ROS1: variants seen among roughly 807,000 people sequenced by gnomAD.
ROS1 encodes ROS proto-oncogene 1, receptor tyrosine kinase, also known as proto-oncogene tyrosine-protein kinase ROS.
Under a neutral mutation model 273.5 loss-of-function variants are expected in ROS1, and 263 were observed. The ratio of observed to expected loss-of-function variants is 0.96; its 90% CI spans 0.87 to 1.06. The LOEUF is 1.06. ROS1 is among the 50% of genes least tolerant of loss of function. ROS1 has a pLI of 0.00. For synonymous variants in ROS1, 1,008 were observed against 954.1 expected, an observed-to-expected ratio of 1.06 and a Z score of -1.04; for missense variants, 2,833 against 2,751.1, an observed-to-expected ratio of 1.03 and a Z score of -0.67.
intron 8 of ROS1, 144 bp from the exon 9 acceptor site, chr6:117,396,408 C>G (rs915358882): frequency 3.1e-6 from 2 of 650,488 alleles, no homozygotes; most frequent in East Asian, 5.4e-5. Flanking sequence ...TGCTCAGCAC[C>G]GAAATGACCA....
chr6:117,293,479 A>G (rs1166879497), intron 43 of ROS1, among the ~76,000 whole-genome samples: 1 of 152,202 alleles, frequency 6.6e-6, no homozygotes, highest in African/African-American at 2.4e-5. Context: ...CAAATATATA[A>G]CCAAATTGTT....
chr6:117,287,605 A>T lies in ROS1; in HGVS notation c.*887T>A, dbSNP rs180987644. On this transcript the variant is annotated 3_prime_UTR_variant, in exon 44 of 44. Coordinates refer to ENST00000368507, the MANE Select transcript of ROS1 (RefSeq NM_001378902.1). ...ACTGTTGTAAGCCTCAAAACTACAAAATATTTTACAGTAGTGATTAAAGAC... is the reference window on the plus strand; with the variant it reads ...ACTGTTGTAAGCCTCAAAACTACAATATATTTTACAGTAGTGATTAAAGAC... 6.6e-6 allele frequency among the ~76,000 whole-genome samples: 1 copy of T among 152,288 alleles called. No individual in the cohort carries two copies. The highest frequency in any genetic ancestry group is 6.5e-5 in the Admixed American group (1 of 15,292).
intron 42 of ROS1, 63 bp from the exon 43 acceptor site, chr6:117,301,200 G>T (rs1408614042): frequency 1.5e-6 from 2 of 1,364,912 alleles, no homozygotes; most frequent in African/African-American, 1.5e-5. Flanking sequence ...GATAACCCAG[G>T]TAGGGTCATT....
intron 7 of ROS1, among the ~76,000 whole-genome samples, chr6:117,400,094 G>A (rs1773822085): frequency 6.6e-6 from 1 of 152,180 alleles, no homozygotes; most frequent in Non-Finnish European, 1.5e-5. Flanking sequence ...GCTTCCAGCA[G>A]ATGGCATACT....
chr6:117,362,901 T>C (rs1562317247), intron 21 of ROS1, 36 bp from the exon 22 acceptor site: 1 of 1,516,740 alleles, frequency 6.6e-7, no homozygotes. Flanking sequence ...CAGAAAAGAA[T>C]ATAAGAATAT....
chr6:117,417,071 G>T (rs577273695), intron 2 of ROS1, among the ~76,000 whole-genome samples: 2 of 152,040 alleles, frequency 1.3e-5, no homozygotes, highest in Non-Finnish European at 2.9e-5. Context: ...CCCTACCTCA[G>T]CTTCAAGTAA....
At chr6:117,383,104 C>A (rs545640843) in intron 17 of ROS1, among the ~76,000 whole-genome samples, 1 of 151,922 alleles carries the variant, frequency 6.6e-6, no homozygotes, top group African/African-American at 2.4e-5. Flanking sequence ...CTTACATAAT[C>A]ACTTATCACC....
At chr6:117,294,251 A>G (rs1774044352) in intron 43 of ROS1, among the ~76,000 whole-genome samples, 1 of 152,180 alleles carries the variant, frequency 6.6e-6, no homozygotes, top group African/African-American at 2.4e-5. Flanking sequence ...CTAGAACAAG[A>G]CAAGGATGGC....
intron 12 of ROS1, among the ~76,000 whole-genome samples, chr6:117,390,059 C>A (rs2128705934): frequency 6.6e-6 from 1 of 152,328 alleles, no homozygotes; most frequent in East Asian, 1.9e-4. Flanking sequence ...TTCAGCCTCA[C>A]TTGTAATGCT....
chr6:117,403,177 G>C lies in ROS1; in HGVS notation c.566C>G (p.Ser189Cys). The stretch of plus-strand genomic sequence containing the variant: ...AGTCCTGTAACTGGGACTTGGAGGG[G>C]AGTAGAGCTGCAGCTGCGCTGTGAA... ...WIFTAQLQLY[S>C]PPSPSYRTHP... The change falls in exon 7 of 44, where the codon TCC becomes TGC. Residue 189 changes from serine (S) to cysteine (C), a missense_variant. By Grantham distance (112) the Ser-to-Cys change is moderately radical (BLOSUM62 -1). Transcript: ENST00000368507. 6.2e-7 allele frequency: 1 copy of C among 1,613,618 alleles called. No individual in the cohort carries two copies. The highest frequency in any genetic ancestry group is 8.5e-7 in the Non-Finnish European group (1 of 1,179,894).
Position 117,308,844 on chromosome 6 carries a change from A to G in ROS1, c.6501T>C (p.Tyr2167=). Residue 2167 remains tyrosine, a synonymous_variant, in exon 42 of 44, where the codon TAT becomes TAC. Coordinates refer to ENST00000368507, the MANE Select transcript of ROS1 (RefSeq NM_001378902.1). ...GCTCCAGTCTCCCTCCTGTTTGCAC[A>G]TAGTTTAACACATCAAGGTTGGAAT... ...PAHSNLDVLN[Y]VQTGGRLEPP... The G allele has an allele frequency of 4.3e-6, 7 of 1,613,560 alleles. No homozygotes were observed. Among genetic ancestry groups the G allele is most frequent in the Admixed American group, 1.7e-5 (1 of 59,886 alleles).
At chr6:117,306,348 CCTGAGGGA>C (rs1429423999) in intron 42 of ROS1, among the ~76,000 whole-genome samples, 1 of 152,078 alleles carries the variant, frequency 6.6e-6, no homozygotes, top group Non-Finnish European at 1.5e-5. Flanking sequence ...GCCTCCCACA[CCTGAGGGA>C]CTCTCCAGTA....
At chr6:117,333,416 C>T (rs886708724) in intron 32 of ROS1, among the ~76,000 whole-genome samples, 1 of 152,122 alleles carries the variant, frequency 6.6e-6, no homozygotes, top group Non-Finnish European at 1.5e-5. Flanking sequence ...ACCAGAAATA[C>T]AAAGAGGAGC....
intron 12 of ROS1, among the ~76,000 whole-genome samples, chr6:117,391,109 T>C (rs947191863): frequency 6.6e-6 from 1 of 152,234 alleles, no homozygotes; most frequent in Non-Finnish European, 1.5e-5. Context: ...TTCCCCTTGA[T>C]GACTATTCCA....
chr6:117,387,148 A>G (rs79276738), intron 14 of ROS1, 149 bp from the exon 15 acceptor site: 82 of 497,800 alleles, frequency 1.6e-4, no homozygotes, highest in African/African-American at 1.5e-3. Flanking sequence ...ATAAAAGGAT[A>G]TGAGTAATTG....
At chr6:117,329,743 G>GGGAAGGGGAACCCCCTCCCCT (rs1554227427) in intron 32 of ROS1, among the ~76,000 whole-genome samples, 1 of 152,086 alleles carries the variant, frequency 6.6e-6, no homozygotes, top group Non-Finnish European at 1.5e-5. Context: ...GAACCACACG[G>GGGAAGGGGAACCCCCTCCCCT]GGAAGGGGAA....
At chr6:117,306,403 C>T (rs1042515261) in intron 42 of ROS1, among the ~76,000 whole-genome samples, 3 of 152,060 alleles carry the variant, frequency 2.0e-5, no homozygotes, top group Non-Finnish European at 4.4e-5. Context: ...GTTATAAAAC[C>T]CCAGAAAGCT....
At chr6:117,353,578 G>A (rs527906600) in intron 26 of ROS1, among the ~76,000 whole-genome samples, 1 of 152,234 alleles carries the variant, frequency 6.6e-6, no homozygotes, top group South Asian at 2.1e-4. Flanking sequence ...TCAGTGGTTT[G>A]GAATGAATGC....
rs376570979 is a variant in ROS1 at position 117,350,784 on chromosome 6, T to C, written c.4303+2206A>G. Among the ~76,000 whole-genome samples the C allele has an allele frequency of 1.3e-4, 19 of 152,000 alleles. No individual in the cohort carries two copies. The East Asian group carries it at 2.3e-3, about 19-fold the overall frequency. On this transcript the variant is annotated intron_variant, in intron 27 of 43. Transcript: ENST00000368507. ...TCCTCAGCCACATCCAGTCTACTAT[T>C]AAGCCCATCAAACATTCCTCACATG...
Sources: allele counts gnomAD v4.1 joint callset (sites outside exome capture counted in the v4.1 genomes callset), GRCh38; gene constraint gnomAD v4.1.1; transcripts MANE v1.5; gene names NCBI Gene and HGNC (gene_info 2026-07-23, HGNC 2026-07-21).